The following PRDM15 variants were observed in gnomAD, a reference collection of about 807,000 sequenced individuals.
The protein encoded by PRDM15 is PR domain zinc finger protein 15.
Under a neutral mutation model 128.6 loss-of-function variants are expected in PRDM15, and 64 were observed. That is an observed-to-expected ratio of 0.50 (90% CI 0.41 to 0.61). The LOEUF is 0.61. Ranked by LOEUF, PRDM15 falls within the 20% of genes least tolerant of loss-of-function variation. The pLI is 0.00. For synonymous variants in PRDM15, 615 were observed against 621.8 expected, an observed-to-expected ratio of 0.99 and a Z score of 0.16; for missense variants, 1,242 against 1,569.1, an observed-to-expected ratio of 0.79 and a Z score of 3.52.
intron 1 of PRDM15, 132 bp from the exon 2 acceptor site, chr21:41,860,504 C>T (rs1359974690): frequency 3.0e-6 from 2 of 657,436 alleles, no homozygotes; most frequent in East Asian, 2.9e-5. Context: ...CTCACTGCAA[C>T]CTCTGCCTCC....
rs554475683 is a variant in PRDM15, at chr21:41,821,817, G to A, written c.1896+86C>T. ...GAGGGCTGCTTCCGAGATGCATGAAGGTGCCTGCTGTGTGGGGCCCACAGC... is the reference window on the plus strand; with the variant it reads ...GAGGGCTGCTTCCGAGATGCATGAAAGTGCCTGCTGTGTGGGGCCCACAGC... On this transcript the variant is annotated intron_variant, in intron 15 of 23. Coordinates refer to ENST00000398548, the MANE Select transcript of PRDM15 (RefSeq NM_001040424.3). The surrounding 1 kb of genome is among the most constrained non-coding windows in gnomAD (Gnocchi z 5.4). 6 of 1,531,058 alleles carry A rather than the reference G, an allele frequency of 3.9e-6. No homozygotes were observed. The African/African-American group carries it at 6.8e-5, about 17-fold the overall frequency. The allele number at this position is 1,531,058 out of a possible 1,614,324, so 94.8% of individuals were successfully genotyped here.
intron 1 of PRDM15, among the ~76,000 whole-genome samples, chr21:41,868,019 G>A (rs2064073822): frequency 1.4e-5 from 2 of 143,930 alleles, no homozygotes; most frequent in South Asian, 4.5e-4. Context: ...ATCCACTGCA[G>A]CCTGGGCAAC....
chr21:41,819,480 C>CCCCCT, intron 18 of PRDM15, 102 bp downstream of exon 18: 1 of 1,131,588 alleles, frequency 8.8e-7, no homozygotes, highest in African/African-American at 1.6e-5. Context: ...CCGCCACACC[C>CCCCCT]ACCTTCCCCA....
Position 41,848,187 on chromosome 21 carries a change from G to A in PRDM15, c.539-996C>T, listed in dbSNP as rs2063326001. Reference sequence around the variant, plus strand: ...CCTGGGTCTTTAAAAAAATAATCCAGAAGTACAACTGCATATGCATTCAGC... The same window carrying A: ...CCTGGGTCTTTAAAAAAATAATCCAAAAGTACAACTGCATATGCATTCAGC... On this transcript the variant is annotated intron_variant, in intron 5 of 23. Transcript: ENST00000398548. Among the ~76,000 whole-genome samples the A allele has an allele frequency of 2.0e-5, 3 of 152,158 alleles. No individual in the cohort carries two copies. The South Asian group carries it at 6.2e-4, about 31-fold the overall frequency.
chr21:41,807,945 A>G (rs984809007), intron 21 of PRDM15, among the ~76,000 whole-genome samples: 2 of 152,176 alleles, frequency 1.3e-5, no homozygotes, highest in Non-Finnish European at 2.9e-5. Context: ...AGAGCACAGA[A>G]GGCGAACTTG....
chr21:41,818,329 C>T (rs144492356), intron 18 of PRDM15, among the ~76,000 whole-genome samples: 1,717 of 152,316 alleles, frequency 0.011, 27 homozygotes, highest in African/African-American at 0.038. Context: ...ACTGACATTC[C>T]GTTCAGAGAA....
At chr21:41,873,743 C>T (rs946008215) in intron 1 of PRDM15, among the ~76,000 whole-genome samples, 1 of 152,072 alleles carries the variant, frequency 6.6e-6, no homozygotes, top group Non-Finnish European at 1.5e-5. Context: ...TGCCCTCTAC[C>T]ATCTTAAAAA....
rs771200225 is a variant in PRDM15, at chr21:41,810,346, A to C, written c.2477-17T>G. 2 of 1,606,034 alleles carry C rather than the reference A, an allele frequency of 1.2e-6. No homozygotes were observed. The highest frequency in any genetic ancestry group is 2.2e-5 in the South Asian group (2 of 90,550). On this transcript the variant is annotated splice_polypyrimidine_tract_variant and intron_variant, in intron 20 of 23. Coordinates refer to ENST00000398548, the MANE Select transcript of PRDM15 (RefSeq NM_001040424.3). The surrounding 1 kb of genome is among the most constrained non-coding windows in gnomAD (Gnocchi z 6.4). ...GCTTGCCCACTTTTCACACACACGC[A>C]GACACACATGCGCGTGGAAAGGAAG...
chr21:41,807,483 C>T (rs1398169161), intron 21 of PRDM15, among the ~76,000 whole-genome samples: 1 of 152,196 alleles, frequency 6.6e-6, no homozygotes, highest in East Asian at 1.9e-4. Flanking sequence ...ACAGCCAGGC[C>T]TCACTGCGGT....
At chr21:41,865,468 C>T (rs912260268) in intron 1 of PRDM15, among the ~76,000 whole-genome samples, 9 of 152,122 alleles carry the variant, frequency 5.9e-5, no homozygotes, top group East Asian at 1.9e-4. Context: ...GACAGGTCAA[C>T]GTCTGATAAG....
At chr21:41,857,467 C>G in intron 3 of PRDM15, 138 bp from the exon 4 acceptor site, 2 of 910,938 alleles carry the variant, frequency 2.2e-6, no homozygotes, top group Non-Finnish European at 3.3e-6. Flanking sequence ...AAAATAGAAG[C>G]CTTCCAGGCC....
chr21:41,819,986 A>G, intron 17 of PRDM15, 109 bp downstream of exon 17: 2 of 920,662 alleles, frequency 2.2e-6, no homozygotes, highest in East Asian at 2.6e-5. Flanking sequence ...GGCATGGGGG[A>G]GGCAAGGTGC....
Position 41,861,485 on chromosome 21 carries a change from T to C in PRDM15, c.-9-1113A>G, listed in dbSNP as rs1173602441. 3.9e-6 allele frequency: 5 copies of C among 1,278,734 alleles called. No homozygotes were observed. In the African/African-American group the frequency reaches 4.5e-5, roughly 11 times the overall value. 79.2% of individuals were successfully genotyped at this position (1,278,734 alleles called of 1,614,324 possible). A position where few individuals can be genotyped will look rare whatever the true frequency, so the allele number is the denominator to read the frequency against. On this transcript the variant is annotated intron_variant, in intron 1 of 23. Coordinates refer to ENST00000398548, the MANE Select transcript of PRDM15 (RefSeq NM_001040424.3). ...CACCTCATGCAGTTTGGGAGGAGCA[T>C]AAAGTGAGATACACACAGTATGTGC...
At chr21:41,807,685 A>G (rs966010229) in intron 21 of PRDM15, among the ~76,000 whole-genome samples, 6 of 152,216 alleles carry the variant, frequency 3.9e-5, no homozygotes, top group Non-Finnish European at 8.8e-5. Context: ...CCGGCCCATC[A>G]CATCACTGGT....
At chr21:41,830,076 CACATACATACTCA>C in intron 11 of PRDM15, among the ~76,000 whole-genome samples, 1 of 151,280 alleles carries the variant, frequency 6.6e-6, no homozygotes, top group Non-Finnish European at 1.5e-5. Context: ...ACACACACAC[CACATACATACTCA>C]ACATACACCA....
intron 5 of PRDM15, among the ~76,000 whole-genome samples, chr21:41,851,213 G>A (rs1231116386): frequency 6.6e-6 from 1 of 152,234 alleles, no homozygotes; most frequent in Non-Finnish European, 1.5e-5. Flanking sequence ...GAGCAGGAGT[G>A]GGATTACGCA....
intron 1 of PRDM15, chr21:41,878,907 C>G (rs1388238543): frequency 1.0e-6 from 1 of 953,640 alleles, no homozygotes; most frequent in Non-Finnish European, 1.2e-6. Flanking sequence ...CCCGCGGCCC[C>G]GCGCTGGGCC....
rs935671188 is a variant in PRDM15, at chr21:41,798,405, T to C, written c.*2835A>G. The C allele has an allele frequency of 1.3e-4, 19 of 151,972 alleles. No individual in the cohort carries two copies. Among genetic ancestry groups the C allele is most frequent in the Non-Finnish European group, 1.9e-4 (13 of 68,038 alleles). 9.4% of individuals were successfully genotyped at this position (151,972 alleles called of 1,614,324 possible). A position where few individuals can be genotyped will look rare whatever the true frequency, so the allele number is the denominator to read the frequency against. ...CTTTGGATGCCACAAATGGGAACGA[T>C]AGAGGTACAGGAGGTCTGCCTTCCA... On this transcript the variant is annotated 3_prime_UTR_variant, in exon 24 of 24. Transcript: ENST00000398548.
At chr21:41,812,207 T>C (rs965886763) in intron 19 of PRDM15, 22 of 152,206 alleles carry the variant, frequency 1.4e-4, no homozygotes, top group African/African-American at 5.3e-4. Context: ...GACCAGGAAG[T>C]GTCACTGTTT....
Sources: gnomAD v4.1 joint callset for allele counts (sites outside exome capture counted in the v4.1 genomes callset) on GRCh38, gnomAD v4.1.1 for gene constraint, Gnocchi (gnomAD v3.1) non-coding constraint, MANE v1.5 for transcripts, NCBI Gene and HGNC (gene_info 2026-07-23, HGNC 2026-07-21) for gene names.